The following KDM2B variants were observed in gnomAD, a reference collection of about 807,000 sequenced individuals.
The protein encoded by KDM2B is lysine demethylase 2B.
A neutral mutation model predicts 150.0 loss-of-function variants in KDM2B; 26 were observed. The observed-to-expected ratio is 0.17, with a 90% CI of 0.13 to 0.24. The LOEUF is 0.24. KDM2B is among the 10% of genes least tolerant of loss of function. The probability of loss-of-function intolerance (pLI) is 1.00; values close to 1 mark genes in which losing one functional copy is unlikely to be tolerated. For synonymous variants in KDM2B, 734 were observed against 729.5 expected (o/e 1.01, Z -0.10); for missense variants, 1,265 against 1,816.9 (o/e 0.70, Z 5.52).
At chr12:121,546,039 C>T (rs1889010903) in intron 6 of KDM2B, among the ~76,000 whole-genome samples, 2 of 152,154 alleles carry the variant, frequency 1.3e-5, no homozygotes, top group South Asian at 4.1e-4. Context: ...CCCCTAGTAC[C>T]AGCTCTGGGG....
chr12:121,573,877 G>A (rs1891305901), intron 4 of KDM2B, among the ~76,000 whole-genome samples: 2 of 152,100 alleles, frequency 1.3e-5, no homozygotes, highest in African/African-American at 4.8e-5. Context: ...GTGAGCCACT[G>A]CACCCGGCCA....
At chr12:121,416,031 CCAGAGGAATATAGTAAT>C in the KDM2B span, 2 of 682,126 alleles carry the variant, frequency 2.9e-6, no homozygotes, top group Non-Finnish European at 5.1e-6. Context: ...ATTTCAGTGC[CCAGAGGAATATAGTAAT>C]CTCAAAGTTA....
At chr12:121,503,637 G>A (rs1321684571) in intron 11 of KDM2B, among the ~76,000 whole-genome samples, 29 of 152,126 alleles carry the variant, frequency 1.9e-4, no homozygotes, top group Admixed American at 1.8e-3. Flanking sequence ...AACTTGGAGG[G>A]GGGATGAGGG....
chr12:121,548,853 T>C (rs1169139281), intron 6 of KDM2B, 24 bp downstream of exon 6: 1 of 1,592,834 alleles, frequency 6.3e-7, no homozygotes, highest in East Asian at 2.2e-5. Context: ...CTGCCAGCTC[T>C]GGCCACCAGC....
intron 8 of KDM2B, among the ~76,000 whole-genome samples, chr12:121,529,722 G>T (rs556327142): frequency 2.0e-5 from 3 of 151,944 alleles, no homozygotes; most frequent in Admixed American, 2.0e-4. Flanking sequence ...TTGACCCTAG[G>T]AGTTCGAGAC....
chr12:121,474,444 G>T (rs377685739), intron 12 of KDM2B, among the ~76,000 whole-genome samples: 13 of 151,762 alleles, frequency 8.6e-5, no homozygotes, highest in African/African-American at 2.9e-4. Flanking sequence ...TGAACCCGGG[G>T]GGCAGAGCTT....
Position 121,580,798 on chromosome 12 carries a change from CTCAAAT to C in KDM2B, c.108_113del (p.Phe37_Glu38del), listed in dbSNP as rs1423775380. On this transcript the variant is annotated inframe_deletion, in exon 1 of 23. Transcript: ENST00000377071. ...CCCCCAACATTACCTGTGTGGCCGA[CTCAAAT>C]TCAAAGCATTTTGTATATATAACTG... 1 of 1,613,430 alleles carries C rather than the reference CTCAAAT, an allele frequency of 6.2e-7. No individual in the cohort carries two copies. Among genetic ancestry groups the C allele is most frequent in the Admixed American group, 1.7e-5 (1 of 59,890 alleles).
At chr12:121,525,492 C>T (rs1368196075) in intron 8 of KDM2B, among the ~76,000 whole-genome samples, 1 of 152,212 alleles carries the variant, frequency 6.6e-6, no homozygotes. Flanking sequence ...GATCCGCCCA[C>T]CTCAGCCTCC....
intron 4 of KDM2B, among the ~76,000 whole-genome samples, chr12:121,552,881 T>G (rs1351351856): frequency 6.6e-6 from 1 of 152,044 alleles, no homozygotes; most frequent in Non-Finnish European, 1.5e-5. Flanking sequence ...GTGCCTGGAA[T>G]ACGTGGGCGC....
chr12:121,534,088 G>T (rs536952804), intron 7 of KDM2B, among the ~76,000 whole-genome samples: 1 of 152,062 alleles, frequency 6.6e-6, no homozygotes, highest in Admixed American at 6.5e-5. Context: ...AGTGGCTCAC[G>T]CCTCTAATCC....
chr12:121,421,371 T>TACAAAAA, the KDM2B span, among the ~76,000 whole-genome samples: 68 of 46,368 alleles, frequency 1.5e-3, 2 homozygotes, highest in African/African-American at 4.4e-3. Context: ...ATCCCATCTC[T>TACAAAAA]AAAAAAAAAA....
At chr12:121,451,565 A>G (rs1056776131) in intron 13 of KDM2B, among the ~76,000 whole-genome samples, 4 of 152,322 alleles carry the variant, frequency 2.6e-5, no homozygotes, top group Admixed American at 1.3e-4. Context: ...AGCACTATTC[A>G]CAACAGGCAA....
rs782383565 is a variant in KDM2B at position 121,509,916 on chromosome 12, T to TCCCTGC, written c.1292_1297dup (p.Gly431_Arg432dup). 6.2e-7 allele frequency: 1 copy of TCCCTGC among 1,612,122 alleles called. No individual in the cohort carries two copies. The highest frequency in any genetic ancestry group is 2.2e-5 in the East Asian group (1 of 44,714). The stretch of plus-strand genomic sequence containing the variant: ...ATCGGTGGGCGGTTTGGGTGCCCTG[T>TCCCTGC]CCCTGCCCTCGCCCTCCTCGTCCTT... On this transcript the variant is annotated inframe_insertion, in exon 11 of 23. Transcript: ENST00000377071.
intron 12 of KDM2B, chr12:121,493,784 C>T (rs1205213341): frequency 6.6e-6 from 1 of 152,190 alleles, no homozygotes; most frequent in African/African-American, 2.4e-5. Context: ...CTACAAAGTC[C>T]TCAACAATAC....
chr12:121,549,367 G>A lies in KDM2B; in HGVS notation c.576+93C>T. On this transcript the variant is annotated intron_variant, in intron 5 of 22. Coordinates refer to ENST00000377071, the MANE Select transcript of KDM2B (RefSeq NM_032590.5). This position sits in a 1 kb window ranked among gnomAD's most constrained non-coding sequence, Gnocchi z 4.4. ...AGCCCAGCCAGCCACACCCACATGA[G>A]CCTTTTTGCAAGGCACAACCCAGGT... is the stretch of plus-strand genomic sequence containing the variant. 2 of 1,224,074 alleles carry A rather than the reference G, an allele frequency of 1.6e-6. No individual in the cohort carries two copies. The allele number at this position is 1,224,074 out of a possible 1,614,324, so 75.8% of individuals were successfully genotyped here.
At chr12:121,574,523 C>CCG (rs1555316554) in intron 4 of KDM2B, 24 bp downstream of exon 4, 1 of 1,612,058 alleles carries the variant, frequency 6.2e-7, no homozygotes, top group Admixed American at 1.7e-5. Context: ...CATGTCTGAG[C>CCG]CACACACACG....
At chr12:121,531,947 G>T (rs972946202) in intron 8 of KDM2B, among the ~76,000 whole-genome samples, 1 of 152,060 alleles carries the variant, frequency 6.6e-6, no homozygotes, top group Non-Finnish European at 1.5e-5. Flanking sequence ...ACAAAAATTA[G>T]CTGGGCATGT....
chr12:121,580,545 G>T, intron 1 of KDM2B: 3 of 1,212,952 alleles, frequency 2.5e-6, no homozygotes, highest in Non-Finnish European at 3.2e-6. Context: ...AGTTGCAGGC[G>T]GCGGGCGCAT....
Position 121,430,007 on chromosome 12 carries a change from G to GA in KDM2B, c.*280dup, listed in dbSNP as rs1566243179. 2 of 970,792 alleles carry GA rather than the reference G, an allele frequency of 2.1e-6. No individual in the cohort carries two copies. Among genetic ancestry groups the GA allele is most frequent in the Admixed American group, 3.5e-5 (2 of 56,802 alleles). 60.1% of individuals were successfully genotyped at this position (970,792 alleles called of 1,614,324 possible). On this transcript the variant is annotated 3_prime_UTR_variant, in exon 23 of 23. Coordinates refer to ENST00000377071, the MANE Select transcript of KDM2B (RefSeq NM_032590.5). This position sits in a 1 kb window ranked among gnomAD's most constrained non-coding sequence, Gnocchi z 4.4. ...CATGCTTCAGTATGAGAATTTCTCCGAAGTCCACCCTCCTCTCCGACAGGA... is the reference window on the plus strand; with the variant it reads ...CATGCTTCAGTATGAGAATTTCTCCGAAAGTCCACCCTCCTCTCCGACAGGA...
Sources: gnomAD v4.1 joint callset for allele counts (sites outside exome capture counted in the v4.1 genomes callset) on GRCh38, gnomAD v4.1.1 for gene constraint, Gnocchi (gnomAD v3.1) non-coding constraint, MANE v1.5 for transcripts, NCBI Gene and HGNC (gene_info 2026-07-23, HGNC 2026-07-21) for gene names.